DDX60: variants seen among roughly 807,000 people sequenced by gnomAD.
DDX60 encodes probable ATP-dependent RNA helicase DDX60.
In DDX60, 165 loss-of-function variants were observed where a neutral mutation model predicts 212.8. The ratio of observed to expected loss-of-function variants is 0.78; its 90% CI spans 0.68 to 0.88. The LOEUF (loss-of-function observed/expected upper bound fraction) is 0.88, where lower values mean the gene tolerates loss of function less well. Ranked by LOEUF, DDX60 falls within the 40% of genes least tolerant of loss-of-function variation. The pLI, the probability that DDX60 is intolerant of heterozygous loss-of-function variation, is 0.00. For synonymous variants in DDX60, 703 were observed against 685.3 expected (o/e 1.03, Z -0.40); for missense variants, 1,905 against 2,003.9 (o/e 0.95, Z 0.94).
Position 168,224,327 on chromosome 4 carries a change from C to T in DDX60, c.4740G>A (p.Lys1580=). ...ATGGTGAAATTGCTACTCTTCCTTC[C>T]TTGCAGCTCATCAAATGAGATACGA... The part of the protein sequence containing the change: ...SQLVSHLMSC[K]EGRVAISPFV... The change falls in exon 35 of 38, where the codon AAG becomes AAA. Residue 1580 remains lysine, a synonymous_variant. Coordinates refer to ENST00000393743, the MANE Select transcript of DDX60 (RefSeq NM_017631.6). 1.2e-6 allele frequency: 2 copies of T among 1,612,188 alleles called. No individual in the cohort carries two copies. The highest frequency in any genetic ancestry group is 2.2e-5 in the East Asian group (1 of 44,772).
At chr4:168,281,234 C>T (rs897375393) in intron 13 of DDX60, among the ~76,000 whole-genome samples, 8 of 152,126 alleles carry the variant, frequency 5.3e-5, no homozygotes, top group African/African-American at 1.4e-4. Context: ...ATATCTGCTG[C>T]TCTCTCTGGA....
At chr4:168,261,634 A>G (rs1467703012) in intron 24 of DDX60, among the ~76,000 whole-genome samples, 1 of 152,230 alleles carries the variant, frequency 6.6e-6, no homozygotes, top group Non-Finnish European at 1.5e-5. Flanking sequence ...AATAAACTGC[A>G]AGTCAAAAAA....
chr4:168,259,564 C>T (rs1423273419), intron 25 of DDX60, among the ~76,000 whole-genome samples: 1 of 151,958 alleles, frequency 6.6e-6, no homozygotes, highest in Non-Finnish European at 1.5e-5. Flanking sequence ...TTTCATTAAA[C>T]TTTTCCACCT....
At chr4:168,270,223 A>T (rs774658097) in intron 19 of DDX60, among the ~76,000 whole-genome samples, 2 of 152,238 alleles carry the variant, frequency 1.3e-5, no homozygotes, top group Non-Finnish European at 2.9e-5. Context: ...GAGTAAATGA[A>T]CGGATGAGCA....
At chr4:168,256,688 G>C (rs28494973) in intron 25 of DDX60, among the ~76,000 whole-genome samples, 54,291 of 152,074 alleles carry the variant, frequency 0.36, 9,875 homozygotes, top group African/African-American at 0.43. Flanking sequence ...TTTTACAGGA[G>C]CACTGAAAAG....
intron 34 of DDX60, 122 bp downstream of exon 34, chr4:168,225,407 A>G (rs1733217705): frequency 3.8e-6 from 4 of 1,040,610 alleles, no homozygotes; most frequent in Middle Eastern, 3.2e-4. Context: ...AGGAAAAGGA[A>G]TCTCCTCACT....
chr4:168,271,906 T>C (rs1049166750), intron 19 of DDX60, 137 bp downstream of exon 19: 4 of 671,068 alleles, frequency 6.0e-6, no homozygotes, highest in Admixed American at 2.9e-5. Context: ...TCCTGAAAAA[T>C]CACTCAGGAA....
Position 168,288,333 on chromosome 4 carries a change from A to G in DDX60, c.1042-18T>C. The stretch of plus-strand genomic sequence containing the variant: ...CACTTTTTCTGAAAATTGAAAAGAA[A>G]ACCAAGTTATTGGCAATATTCATAT... On this transcript the variant is annotated intron_variant, in intron 8 of 37. Coordinates refer to ENST00000393743, the MANE Select transcript of DDX60 (RefSeq NM_017631.6). 1 of 1,444,424 alleles carries G rather than the reference A, an allele frequency of 6.9e-7. No homozygotes were observed. Among genetic ancestry groups the G allele is most frequent in the Admixed American group, 2.2e-5 (1 of 46,268 alleles). 89.5% of individuals were successfully genotyped at this position (1,444,424 alleles called of 1,614,324 possible). A position where few individuals can be genotyped will look rare whatever the true frequency, so the allele number is the denominator to read the frequency against.
At chr4:168,223,945 A>G (rs1241032619) in intron 35 of DDX60, among the ~76,000 whole-genome samples, 4 of 151,992 alleles carry the variant, frequency 2.6e-5, no homozygotes, top group African/African-American at 9.7e-5. Flanking sequence ...GAAAGTCTGA[A>G]GACAGTTTTA....
At chr4:168,268,533 G>C (rs1007780630) in intron 20 of DDX60, among the ~76,000 whole-genome samples, 8 of 151,956 alleles carry the variant, frequency 5.3e-5, no homozygotes, top group Non-Finnish European at 1.0e-4. Flanking sequence ...TGAGTGTGTT[G>C]TTATATCATT....
rs1171858843 is a variant in DDX60 at position 168,225,363 on chromosome 4, T to C, written c.4681+166A>G. 5.3e-5 allele frequency among the ~76,000 whole-genome samples: 8 copies of C among 152,066 alleles called. 1 individual carries two copies. The highest frequency in any genetic ancestry group is 3.9e-4 in the Admixed American group (6 of 15,250). On this transcript the variant is annotated intron_variant, in intron 34 of 37. Transcript: ENST00000393743. Reference sequence around the variant, plus strand: ...ACTTAGTTTGTCTCTTTTGCCCTTTTAATGTCTAATAAGCAAAATTTTTTT... The same window carrying C: ...ACTTAGTTTGTCTCTTTTGCCCTTTCAATGTCTAATAAGCAAAATTTTTTT...
At chr4:168,262,830 T>C (rs761400064) in intron 22 of DDX60, 43 bp from the exon 23 acceptor site, 1 of 1,362,580 alleles carries the variant, frequency 7.3e-7, no homozygotes, top group Non-Finnish European at 1.0e-6. Context: ...TATTTTATTT[T>C]ATGTCGTATC....
Position 168,250,811 on chromosome 4 carries a change from C to T in DDX60, c.3858+143G>A, listed in dbSNP as rs540366144. ...AAGTGCTGGTATTATAGGTATGACCCATCACGCCCGGCCAACTTATTTTTT... is the reference window on the plus strand; with the variant it reads ...AAGTGCTGGTATTATAGGTATGACCTATCACGCCCGGCCAACTTATTTTTT... On this transcript the variant is annotated intron_variant, in intron 28 of 37. Coordinates refer to ENST00000393743, the MANE Select transcript of DDX60 (RefSeq NM_017631.6). The T allele has an allele frequency of 4.2e-4, 276 of 659,440 alleles. 2 individuals are homozygous for T. The South Asian group carries it at 5.6e-3, about 13-fold the overall frequency. 40.8% of individuals were successfully genotyped at this position (659,440 alleles called of 1,614,324 possible). A position where few individuals can be genotyped will look rare whatever the true frequency, so the allele number is the denominator to read the frequency against.
At chr4:168,280,695 A>G (rs955383881) in intron 13 of DDX60, 105 bp from the exon 14 acceptor site, 1 of 1,290,554 alleles carries the variant, frequency 7.7e-7, no homozygotes, top group African/African-American at 1.5e-5. Context: ...TTTGACCATC[A>G]TCCCATTTTG....
At chr4:168,270,875 C>CTTTTTTTTTTTTTTTT (rs759054592) in intron 19 of DDX60, among the ~76,000 whole-genome samples, 11 of 110,862 alleles carry the variant, frequency 9.9e-5, no homozygotes, top group Non-Finnish European at 1.3e-4. Flanking sequence ...TTCTTTCTTT[C>CTTTTTTTTTTTTTTTT]TTTTTTTTTT....
At chr4:168,272,905 A>T (rs1487094815) in intron 18 of DDX60, among the ~76,000 whole-genome samples, 1 of 152,250 alleles carries the variant, frequency 6.6e-6, no homozygotes, top group Non-Finnish European at 1.5e-5. Flanking sequence ...CCATAATACA[A>T]CATTTTCTAA....
intron 19 of DDX60, among the ~76,000 whole-genome samples, chr4:168,269,389 G>GAGATCGAGGCCATCCTGGCT (rs1442062073): frequency 6.6e-6 from 1 of 152,102 alleles, no homozygotes; most frequent in Non-Finnish European, 1.5e-5. Flanking sequence ...ACGAGGTCAG[G>GAGATCGAGGCCATCCTGGCT]AGATCGAGGC....
intron 29 of DDX60, among the ~76,000 whole-genome samples, chr4:168,247,417 G>T (rs976351900): frequency 2.0e-5 from 3 of 152,190 alleles, no homozygotes; most frequent in African/African-American, 7.2e-5. Flanking sequence ...GCTGGGAAAT[G>T]ATATAAGAAT....
At chr4:168,297,636 A>C (rs1736463084) in intron 6 of DDX60, among the ~76,000 whole-genome samples, 1 of 152,126 alleles carries the variant, frequency 6.6e-6, no homozygotes, top group South Asian at 2.1e-4. Flanking sequence ...CAAAAACAAA[A>C]CTGGGCCAGG....
Sources: gnomAD v4.1 joint callset for allele counts (sites outside exome capture counted in the v4.1 genomes callset) on GRCh38, gnomAD v4.1.1 for gene constraint, MANE v1.5 for transcripts, NCBI Gene and HGNC (gene_info 2026-07-23, HGNC 2026-07-21) for gene names.